COL21A1: variants seen among roughly 807,000 people sequenced by gnomAD.
COL21A1 encodes the protein collagen alpha-1(XXI) chain.
Under a neutral mutation model 137.9 loss-of-function variants are expected in COL21A1, and 149 were observed. The observed-to-expected ratio is 1.08, with a 90% confidence interval of 0.95 to 1.24. COL21A1 has a LOEUF of 1.24. COL21A1 is among the 50% of genes most tolerant of loss of function. COL21A1 has a pLI of 0.00. For missense variants in COL21A1, 1,167 were observed against 1,158.4 expected, an observed-to-expected ratio of 1.01 and a Z score of -0.11; for synonymous variants, 456 against 391.5, an observed-to-expected ratio of 1.16 and a Z score of -1.95.
At position 56,080,275 on chromosome 6, in the gene COL21A1, A is replaced by T. The variant is rs552713059; in HGVS notation, c.1813-2702T>A. On this transcript the variant is annotated intron_variant, in intron 17 of 29. Transcript: ENST00000244728. The stretch of plus-strand genomic sequence containing the variant: ...GTCCAAGTAAAGACAGAAAGAAGTA[A>T]GAGTAAGTGGACATATTTCCTCTAC... Among the ~76,000 whole-genome samples, 4 of 151,912 alleles carry T rather than the reference A, an allele frequency of 2.6e-5. No individual in the cohort carries two copies. The South Asian group carries it at 8.3e-4, about 31-fold the overall frequency.
At chr6:56,369,787 T>A (rs1382720508) in intron 1 of COL21A1, among the ~76,000 whole-genome samples, 2 of 152,148 alleles carry the variant, frequency 1.3e-5, no homozygotes, top group Non-Finnish European at 2.9e-5. Context: ...TCAACCTCAA[T>A]GATATTCAAA....
At chr6:56,338,779 G>C (rs1765395418) in intron 1 of COL21A1, among the ~76,000 whole-genome samples, 1 of 152,126 alleles carries the variant, frequency 6.6e-6, no homozygotes, top group African/African-American at 2.4e-5. Flanking sequence ...AAGGGAGAAA[G>C]TAATGGCTCA....
chr6:56,384,677 G>C (rs895687920), intron 1 of COL21A1, among the ~76,000 whole-genome samples: 2 of 152,162 alleles, frequency 1.3e-5, no homozygotes, highest in Non-Finnish European at 2.9e-5. Context: ...TAATATTACA[G>C]GGCAAATTTT....
intron 9 of COL21A1, among the ~76,000 whole-genome samples, chr6:56,164,127 G>C (rs964228061): frequency 6.6e-5 from 10 of 152,136 alleles, no homozygotes; most frequent in African/African-American, 2.2e-4. Context: ...AGATTGTAAG[G>C]AAGTATTGTT....
intron 1 of COL21A1, among the ~76,000 whole-genome samples, chr6:56,275,144 G>A (rs1457454929): frequency 1.3e-5 from 2 of 152,154 alleles, no homozygotes; most frequent in Non-Finnish European, 2.9e-5. Context: ...ATGGTGCTCA[G>A]ATAACTGACT....
rs760439864 is a variant in COL21A1, at chr6:56,077,548, C to A, written c.1838G>T (p.Arg613Leu). The A allele has an allele frequency of 6.3e-7, 1 of 1,577,836 alleles. No homozygotes were observed. The highest frequency in any genetic ancestry group is 1.2e-5 in the South Asian group (1 of 84,746). ...ACTTACCTTTTGGCCCATTAATCCT[C>A]GGTTTCCAGGAAATCCTGGGATTCC... ...EPGIPGFPGN[R>L]GLMGQKGEIG... Residue 613 changes from arginine to leucine, a missense_variant, in exon 18 of 30, where the codon CGA becomes CTA. Coordinates refer to ENST00000244728, the MANE Select transcript of COL21A1 (RefSeq NM_030820.4).
Position 56,174,681 on chromosome 6 carries a change from C to A in COL21A1, c.641-3553G>T, listed in dbSNP as rs116792711. 8.0e-3 allele frequency among the ~76,000 whole-genome samples: 1,215 copies of A among 152,050 alleles called. 12 individuals are homozygous for A. The highest frequency in any genetic ancestry group is 0.028 in the African/African-American group (1,153 of 41,526). On this transcript the variant is annotated intron_variant, in intron 3 of 29. Transcript: ENST00000244728. ...TAAATCAGTAATCAAAACACCCCAA[C>A]AATAAAAGCCTAGTACCAGGTGGCT...
chr6:56,058,335 T>C (rs1425475992), intron 29 of COL21A1, among the ~76,000 whole-genome samples: 2 of 152,178 alleles, frequency 1.3e-5, no homozygotes, highest in African/African-American at 4.8e-5. Flanking sequence ...GTCATCAATA[T>C]CATCAATACT....
At chr6:56,185,452 G>A (rs1172252219) in intron 1 of COL21A1, among the ~76,000 whole-genome samples, 7 of 22,940 alleles carry the variant, frequency 3.1e-4, no homozygotes, top group East Asian at 7.1e-3. Flanking sequence ...TTTTTGAGAC[G>A]GAGTCTCGCT....
At chr6:56,119,239 A>G (rs1298545317) in intron 16 of COL21A1, among the ~76,000 whole-genome samples, 1 of 152,168 alleles carries the variant, frequency 6.6e-6, no homozygotes, top group Admixed American at 6.5e-5. Context: ...GCAGGATACA[A>G]AGTCAACATA....
intron 20 of COL21A1, among the ~76,000 whole-genome samples, chr6:56,071,098 T>C (rs1430526723): frequency 2.0e-5 from 3 of 151,450 alleles, no homozygotes; most frequent in Admixed American, 6.6e-5. Flanking sequence ...AGCCACCACA[T>C]TGCACAGGTG....
intron 17 of COL21A1, among the ~76,000 whole-genome samples, chr6:56,099,685 T>TACAC (rs1022803707): frequency 6.6e-6 from 1 of 151,696 alleles, no homozygotes; most frequent in East Asian, 1.9e-4. Flanking sequence ...CACACCCACA[T>TACAC]ACACACACAC....
At chr6:56,272,268 G>A (rs1006176675) in intron 1 of COL21A1, among the ~76,000 whole-genome samples, 1 of 152,222 alleles carries the variant, frequency 6.6e-6, no homozygotes, top group Non-Finnish European at 1.5e-5. Context: ...GTGAGACCTG[G>A]AGTCATAGGA....
chr6:56,304,497 T>C (rs1444658275), intron 1 of COL21A1, among the ~76,000 whole-genome samples: 1 of 152,258 alleles, frequency 6.6e-6, no homozygotes, highest in Non-Finnish European at 1.5e-5. Context: ...CCATTTCTTC[T>C]AGATTTTCTA....
chr6:56,249,702 T>C (rs552458828), upstream of COL21A1, among the ~76,000 whole-genome samples: 6 of 152,274 alleles, frequency 3.9e-5, no homozygotes, highest in African/African-American at 1.4e-4. Flanking sequence ...TCCATACCTA[T>C]AATACATGAA....
chr6:56,154,943 G>A (rs1331201392), intron 10 of COL21A1, among the ~76,000 whole-genome samples: 1 of 151,944 alleles, frequency 6.6e-6, no homozygotes, highest in East Asian at 1.9e-4. Context: ...TGAGTTCAGG[G>A]GTACATGTGC....
At chr6:56,111,793 G>A (rs1771453854) in intron 16 of COL21A1, among the ~76,000 whole-genome samples, 1 of 151,914 alleles carries the variant, frequency 6.6e-6, no homozygotes, top group Non-Finnish European at 1.5e-5. Flanking sequence ...AGAATGGCTT[G>A]AACCTGGAAG....
intron 1 of COL21A1, among the ~76,000 whole-genome samples, chr6:56,196,182 C>T (rs796727650): frequency 9.2e-5 from 14 of 152,118 alleles, no homozygotes; most frequent in African/African-American, 3.1e-4. Context: ...TTTCATAATT[C>T]AAAAAACTCA....
At chr6:56,169,833 G>GTAA (rs539302163) in intron 5 of COL21A1, among the ~76,000 whole-genome samples, 15 of 151,820 alleles carry the variant, frequency 9.9e-5, no homozygotes, top group Non-Finnish European at 1.8e-4. Flanking sequence ...CTCTTTGAAG[G>GTAA]TAAGAAACAT....
Sources: allele counts gnomAD v4.1 joint callset (sites outside exome capture counted in the v4.1 genomes callset), GRCh38; gene constraint gnomAD v4.1.1; transcripts MANE v1.5; gene names NCBI Gene and HGNC (gene_info 2026-07-23, HGNC 2026-07-21).